Variants in GULP1 observed in about 807,000 individuals in gnomAD.
The protein encoded by GULP1 is PTB domain-containing engulfment adapter protein 1.
A neutral mutation model predicts 40.9 loss-of-function variants in GULP1; 19 were observed. The ratio of observed to expected loss-of-function variants is 0.46; its 90% CI spans 0.32 to 0.68. The LOEUF is 0.68. GULP1 is among the 30% of genes least tolerant of loss of function. The probability of loss-of-function intolerance (pLI) is 0.03; values close to 1 mark genes in which losing one functional copy is unlikely to be tolerated. For synonymous variants in GULP1, 119 were observed against 117.6 expected, an observed-to-expected ratio of 1.01 and a Z score of -0.08; for missense variants, 312 against 362.2, an observed-to-expected ratio of 0.86 and a Z score of 1.12.
chr2:188,413,522 T>C (rs1359805529), intron 2 of GULP1, among the ~76,000 whole-genome samples: 1 of 152,216 alleles, frequency 6.6e-6, no homozygotes, highest in Non-Finnish European at 1.5e-5. Flanking sequence ...TTTGCCCACT[T>C]TTTGATGGGG....
chr2:188,384,734 C>T (rs1249777269), intron 2 of GULP1, among the ~76,000 whole-genome samples: 1 of 152,170 alleles, frequency 6.6e-6, no homozygotes, highest in African/African-American at 2.4e-5. Context: ...TGGGTAGATA[C>T]AGCCATTCCA....
At chr2:188,412,565 T>C (rs893375316) in intron 2 of GULP1, among the ~76,000 whole-genome samples, 11 of 152,096 alleles carry the variant, frequency 7.2e-5, no homozygotes, top group African/African-American at 2.2e-4. Flanking sequence ...GGAGCCACAA[T>C]TGAAGATGAG....
At chr2:188,548,587 T>C (rs906514182) in intron 7 of GULP1, among the ~76,000 whole-genome samples, 2 of 152,134 alleles carry the variant, frequency 1.3e-5, no homozygotes, top group Non-Finnish European at 2.9e-5. Context: ...TTCTAAACTT[T>C]ATATGGAAAA....
chr2:188,483,147 A>C (rs1389568061), intron 3 of GULP1, among the ~76,000 whole-genome samples: 9 of 152,078 alleles, frequency 5.9e-5, no homozygotes, highest in Non-Finnish European at 1.0e-4. Flanking sequence ...GCAATTACTC[A>C]TAGCCCACTG....
At chr2:188,526,820 T>C (rs1686276229) in intron 5 of GULP1, among the ~76,000 whole-genome samples, 1 of 152,174 alleles carries the variant, frequency 6.6e-6, no homozygotes, top group South Asian at 2.1e-4. Context: ...TCTGCAAAAC[T>C]AATTACTAGG....
chr2:188,315,257 T>C (rs991562466), intron 1 of GULP1, among the ~76,000 whole-genome samples: 1 of 152,138 alleles, frequency 6.6e-6, no homozygotes, highest in Non-Finnish European at 1.5e-5. Context: ...TTTATTACAG[T>C]ATGTTGTTGT....
chr2:188,359,439 CA>C (rs1221358889), intron 1 of GULP1, among the ~76,000 whole-genome samples: 1 of 152,112 alleles, frequency 6.6e-6, no homozygotes, highest in African/African-American at 2.4e-5. Context: ...CCAACAAACT[CA>C]AATATCTATC....
chr2:188,382,133 T>C (rs1162660441), intron 1 of GULP1, among the ~76,000 whole-genome samples: 1 of 152,196 alleles, frequency 6.6e-6, no homozygotes, highest in Non-Finnish European at 1.5e-5. Context: ...TAGTTCAGAC[T>C]GGCAAAATTT....
At chr2:188,521,664 C>T (rs2153225556) in intron 4 of GULP1, among the ~76,000 whole-genome samples, 1 of 152,258 alleles carries the variant, frequency 6.6e-6, no homozygotes, top group Non-Finnish European at 1.5e-5. Context: ...GACTCAATTA[C>T]CTCCCACCAG....
At chr2:188,586,247 T>C (rs987330603) in intron 10 of GULP1, among the ~76,000 whole-genome samples, 13 of 152,208 alleles carry the variant, frequency 8.5e-5, no homozygotes, top group South Asian at 2.1e-4. Context: ...AGAGATTATA[T>C]AGACATAATC....
intron 4 of GULP1, among the ~76,000 whole-genome samples, chr2:188,492,345 C>G (rs1167611409): frequency 6.6e-6 from 1 of 152,058 alleles, no homozygotes; most frequent in African/African-American, 2.4e-5. Context: ...ATTGCTCAAA[C>G]TCTATCAGGC....
chr2:188,496,212 G>C (rs2062881009), intron 4 of GULP1, among the ~76,000 whole-genome samples: 1 of 151,964 alleles, frequency 6.6e-6, no homozygotes, highest in Non-Finnish European at 1.5e-5. Context: ...AGCAATGAAA[G>C]GGCTTGACCA....
In GULP1 at chr2:188,483,505, C is replaced by T; in HGVS notation, c.90+13C>T. 8.7e-7 allele frequency: 1 copy of T among 1,151,928 alleles called. No homozygotes were observed. The highest frequency in any genetic ancestry group is 1.3e-6 in the Non-Finnish European group (1 of 789,854). 71.4% of individuals were successfully genotyped at this position (1,151,928 alleles called of 1,614,324 possible). A position where few individuals can be genotyped will look rare whatever the true frequency, so the allele number is the denominator to read the frequency against. On this transcript the variant is annotated intron_variant, in intron 4 of 11. Transcript: ENST00000409830. The stretch of plus-strand genomic sequence containing the variant: ...CTATAATGCAAAGGTAAAAATAGTT[C>T]ATTTATTATTTAATTTTATTTTGTT...
chr2:188,476,946 C>T (rs965436639), intron 2 of GULP1, among the ~76,000 whole-genome samples: 2 of 152,016 alleles, frequency 1.3e-5, no homozygotes, highest in African/African-American at 4.8e-5. Flanking sequence ...GGAAATATCT[C>T]AATTGGACAA....
At chr2:188,347,897 C>T (rs2152265333) in intron 1 of GULP1, among the ~76,000 whole-genome samples, 1 of 152,278 alleles carries the variant, frequency 6.6e-6, no homozygotes, top group Non-Finnish European at 1.5e-5. Flanking sequence ...GGATTCCAGG[C>T]ATGAGCCACC....
chr2:188,452,121 A>G (rs1179403213), intron 2 of GULP1, among the ~76,000 whole-genome samples: 1 of 152,194 alleles, frequency 6.6e-6, no homozygotes, highest in African/African-American at 2.4e-5. Flanking sequence ...AAAAGGCAGG[A>G]ACCAACCAGT....
At chr2:188,483,670 T>C (rs2061611305) in intron 4 of GULP1, among the ~76,000 whole-genome samples, 178 bp downstream of exon 4, 3 of 152,148 alleles carry the variant, frequency 2.0e-5, no homozygotes, top group Non-Finnish European at 2.9e-5. Flanking sequence ...ATAGTTTCTC[T>C]TTTTAAAAGT....
At chr2:188,326,953 G>A (rs932687312) in intron 1 of GULP1, among the ~76,000 whole-genome samples, 1 of 152,094 alleles carries the variant, frequency 6.6e-6, no homozygotes, top group Non-Finnish European at 1.5e-5. Flanking sequence ...AGACTTATCT[G>A]GAAAACTAGC....
At chr2:188,345,930 A>T (rs2043589087) in intron 1 of GULP1, among the ~76,000 whole-genome samples, 1 of 152,206 alleles carries the variant, frequency 6.6e-6, no homozygotes, top group South Asian at 2.1e-4. Flanking sequence ...TGTTATGGGA[A>T]GAGGACTATA....
Sources: allele counts gnomAD v4.1 joint callset (sites outside exome capture counted in the v4.1 genomes callset), GRCh38; gene constraint gnomAD v4.1.1; transcripts MANE v1.5; gene names NCBI Gene and HGNC (gene_info 2026-07-23, HGNC 2026-07-21).